CTPS1: variants seen among roughly 807,000 people sequenced by gnomAD.
CTPS1 encodes the protein CTP synthase 1.
Under a neutral mutation model 80.5 loss-of-function variants are expected in CTPS1, and 25 were observed. The ratio of observed to expected loss-of-function variants is 0.31; its 90% CI spans 0.23 to 0.43. CTPS1 has a LOEUF of 0.43. Among genes scored for constraint, CTPS1 ranks in the 20% least tolerant of loss-of-function variants. CTPS1 has a pLI of 1.00. For missense variants in CTPS1, 442 were observed against 725.7 expected (o/e 0.61, Z 4.49); for synonymous variants, 267 against 252.5 (o/e 1.06, Z -0.54).
chr1:40,993,241 G>C (rs1312862289), intron 7 of CTPS1, among the ~76,000 whole-genome samples: 1 of 151,856 alleles, frequency 6.6e-6, no homozygotes, highest in East Asian at 1.9e-4. Context: ...AGTAGAAATG[G>C]TGTTTTGCCA....
chr1:40,997,413 A>G lies in CTPS1; in HGVS notation c.892A>G (p.Thr298Ala). ...TGATAGATATGATCGCTTGCTGGAG[A>G]CCTGCTCTATTGCCCTTGTGGGCAA... ...MADRYDRLLE[T>A]CSIALVGKYT... is the part of the protein sequence containing the mutation. The change falls in exon 9 of 19, where the codon ACC (threonine) becomes GCC (alanine). Residue 298 changes from threonine to alanine, a missense_variant. This residue lies in a region of CTPS1 where 321 missense variants were observed against 467.2 expected (regional missense o/e 0.69). Transcript: ENST00000650070. 1 of 1,613,878 alleles carries G rather than the reference A, an allele frequency of 6.2e-7. No individual in the cohort carries two copies. The highest frequency in any genetic ancestry group is 1.1e-5 in the South Asian group (1 of 91,032).
intron 12 of CTPS1, among the ~76,000 whole-genome samples, chr1:41,003,445 C>A (rs1298916257): frequency 6.6e-6 from 1 of 152,172 alleles, no homozygotes; most frequent in Non-Finnish European, 1.5e-5. Context: ...ATCACCGTGG[C>A]CACCATCCTG....
chr1:41,008,509 G>T, intron 14 of CTPS1, 150 bp from the exon 15 acceptor site: 1 of 733,954 alleles, frequency 1.4e-6, no homozygotes. Context: ...GTGTTGTTAA[G>T]AGCAGGTGAC....
chr1:40,990,017 G>A (rs1210586485), intron 5 of CTPS1, among the ~76,000 whole-genome samples: 3 of 152,152 alleles, frequency 2.0e-5, no homozygotes, highest in Non-Finnish European at 4.4e-5. Context: ...CAGAAATGGA[G>A]GTATAATCTG....
chr1:40,991,253 G>C lies in CTPS1; in HGVS notation c.639+5G>C, dbSNP rs958054114. ...CTTGGGCTTTCCCCAGATCTGGTAAGATTTCCTGATAGCTGGTTGCAGTGT... is the reference window on the plus strand; with the variant it reads ...CTTGGGCTTTCCCCAGATCTGGTAACATTTCCTGATAGCTGGTTGCAGTGT... On this transcript the variant is annotated splice_donor_5th_base_variant and intron_variant, in intron 6 of 18. Transcript: ENST00000650070. The C allele has an allele frequency of 1.3e-6, 2 of 1,572,068 alleles. No individual in the cohort carries two copies. Among genetic ancestry groups the C allele is most frequent in the Non-Finnish European group, 1.7e-6 (2 of 1,164,992 alleles).
intron 5 of CTPS1, 31 bp from the exon 6 acceptor site, chr1:40,991,134 A>C (rs773267175): frequency 3.2e-5 from 45 of 1,417,466 alleles, no homozygotes; most frequent in Middle Eastern, 3.5e-4. Flanking sequence ...GAGGGAAACT[A>C]ACTTTTTTTT....
intron 8 of CTPS1, chr1:40,997,035 C>A: frequency 6.0e-6 from 1 of 165,610 alleles, no homozygotes; most frequent in Non-Finnish European, 1.3e-5. Flanking sequence ...CAAAGCCTGC[C>A]ATGTTGATCT....
chr1:41,006,114 C>T lies in CTPS1; in HGVS notation c.1296+20C>T, dbSNP rs1365951381. Reference sequence around the variant, plus strand: ...CCCGTGGTGAGTCAAGTGTTTGAACCTCCACAGGGCTTAGAAGGGTGTAGA... The same window carrying T: ...CCCGTGGTGAGTCAAGTGTTTGAACTTCCACAGGGCTTAGAAGGGTGTAGA... On this transcript the variant is annotated intron_variant, in intron 13 of 18. Coordinates refer to ENST00000650070, the MANE Select transcript of CTPS1 (RefSeq NM_001905.4). 3 of 1,603,420 alleles carry T rather than the reference C, an allele frequency of 1.9e-6. No individual in the cohort carries two copies. Among genetic ancestry groups the T allele is most frequent in the East Asian group, 2.2e-5 (1 of 44,852 alleles).
intron 7 of CTPS1, among the ~76,000 whole-genome samples, chr1:40,992,437 T>G (rs1387581323): frequency 6.6e-6 from 1 of 152,288 alleles, no homozygotes; most frequent in Non-Finnish European, 1.5e-5. Flanking sequence ...ACTTTCTGTT[T>G]CTGGTGCCTG....
chr1:41,002,325 T>C, intron 11 of CTPS1, 71 bp downstream of exon 11: 1 of 1,255,676 alleles, frequency 8.0e-7, no homozygotes, highest in Non-Finnish European at 1.2e-6. Flanking sequence ...CGTGGGAGCC[T>C]ATGAACAAAG....
intron 6 of CTPS1, 59 bp from the exon 7 acceptor site, chr1:40,991,706 A>C: frequency 8.3e-7 from 1 of 1,203,602 alleles, no homozygotes; most frequent in Non-Finnish European, 1.2e-6. Flanking sequence ...CAGTCAGGAG[A>C]AACCCCTACT....
chr1:40,994,108 A>T (rs976768046), intron 7 of CTPS1, among the ~76,000 whole-genome samples: 6 of 152,176 alleles, frequency 3.9e-5, no homozygotes, highest in African/African-American at 1.4e-4. Context: ...CTTTTAGAGC[A>T]CAGACACTTT....
chr1:40,994,748 C>T (rs921591175), intron 7 of CTPS1, among the ~76,000 whole-genome samples: 10 of 152,064 alleles, frequency 6.6e-5, no homozygotes, highest in Non-Finnish European at 1.3e-4. Context: ...GCCATTCTGG[C>T]CTTGTTCTGG....
intron 5 of CTPS1, among the ~76,000 whole-genome samples, chr1:40,988,969 T>C (rs1415562528): frequency 6.6e-6 from 1 of 152,214 alleles, no homozygotes; most frequent in East Asian, 1.9e-4. Context: ...ATGGTGGAAC[T>C]AGAGTAAAGA....
chr1:40,988,397 GCCTGTC>G, intron 4 of CTPS1, 191 bp from the exon 5 acceptor site: 1 of 514,498 alleles, frequency 1.9e-6, no homozygotes, highest in Admixed American at 3.1e-5. Flanking sequence ...GGAAGGATGA[GCCTGTC>G]CAAAAGAATA....
chr1:40,980,063 G>C (rs1308295251), intron 1 of CTPS1: 1 of 151,074 alleles, frequency 6.6e-6, no homozygotes, highest in Non-Finnish European at 1.5e-5. Flanking sequence ...GTGGCCGGGC[G>C]GCGCTGGGGA....
At position 41,002,169 on chromosome 1, in the gene CTPS1, G is replaced by A; in HGVS notation, c.1104G>A (p.Leu368=). The A allele has an allele frequency of 6.2e-7, 1 of 1,614,138 alleles. No homozygotes were observed. The highest frequency in any genetic ancestry group is 8.5e-7 in the Non-Finnish European group (1 of 1,180,012). Residue 368 remains leucine (L), a synonymous_variant, in exon 11 of 19, where the codon CTG becomes CTA. Coordinates refer to ENST00000650070, the MANE Select transcript of CTPS1 (RefSeq NM_001905.4). ...TTGTTCTTTTGTGCAGTGGAGTGCT[G>A]GTTCCAGGAGGATTTGGTGTTCGAG... ...WQKLCSAHGV[L]VPGGFGVRGT...
At position 41,008,818 on chromosome 1, in the gene CTPS1, T is replaced by G. The variant is rs1421326142; in HGVS notation, c.1474T>G (p.Leu492Val). 1.9e-6 allele frequency: 3 copies of G among 1,614,050 alleles called. No homozygotes were observed. Among genetic ancestry groups the G allele is most frequent in the Non-Finnish European group, 2.5e-6 (3 of 1,180,030 alleles). ...FEVNPVWKKC[L>V]EEQGLKFVGQ... ...GGTGAATCCAGTCTGGAAAAAGTGT[T>G]TGGAAGAACAAGGCTTGAAGTTTGT... Residue 492 changes from leucine to valine, a missense_variant, in exon 16 of 19, where the codon TTG (leucine) becomes GTG (valine). By Grantham distance (32) the Leu-to-Val change is conservative. Transcript: ENST00000650070.
At chr1:40,985,396 T>C (rs1642426338) in intron 3 of CTPS1, among the ~76,000 whole-genome samples, 1 of 152,226 alleles carries the variant, frequency 6.6e-6, no homozygotes, top group Non-Finnish European at 1.5e-5. Flanking sequence ...TGAACATCTA[T>C]TGTGTATACT....
Sources: gnomAD v4.1 joint callset for allele counts (sites outside exome capture counted in the v4.1 genomes callset) on GRCh38, gnomAD v4.1.1 for gene constraint, gnomAD v4.1.1 regional missense constraint, MANE v1.5 for transcripts, NCBI Gene and HGNC (gene_info 2026-07-23, HGNC 2026-07-21) for gene names.